Variants in KDM2B observed in about 807,000 individuals in gnomAD.
The protein encoded by KDM2B is lysine-specific demethylase 2B.
In KDM2B, 26 loss-of-function variants were observed where a neutral mutation model predicts 150.0. That is an observed-to-expected ratio of 0.17 (90% CI 0.13 to 0.24). KDM2B has a LOEUF of 0.24. KDM2B is among the 10% of genes least tolerant of loss of function. The probability of loss-of-function intolerance (pLI) is 1.00; values close to 1 mark genes in which losing one functional copy is unlikely to be tolerated. For synonymous variants in KDM2B, 734 were observed against 729.5 expected (o/e 1.01, Z -0.10); for missense variants, 1,265 against 1,816.9 (o/e 0.70, Z 5.52).
intron 2 of KDM2B, among the ~76,000 whole-genome samples, chr12:121,578,412 G>T (rs1353268715): frequency 6.6e-6 from 1 of 152,316 alleles, no homozygotes; most frequent in Admixed American, 6.5e-5. Flanking sequence ...CCCCAGGGGC[G>T]CCCTGAACCC....
chr12:121,581,674 A>G (rs1216543463), upstream of KDM2B, among the ~76,000 whole-genome samples: 1 of 152,234 alleles, frequency 6.6e-6, no homozygotes, highest in Admixed American at 6.5e-5. Context: ...TATTTCTGCC[A>G]TAACCCTGTG....
intron 1 of KDM2B, 37 bp downstream of exon 1, chr12:121,580,749 C>T: frequency 6.2e-7 from 1 of 1,610,428 alleles, no homozygotes; most frequent in South Asian, 1.1e-5. Flanking sequence ...GGCTACCCCT[C>T]TTCCTCTTCT....
intron 4 of KDM2B, among the ~76,000 whole-genome samples, chr12:121,555,451 C>T (rs1555312537): frequency 6.6e-6 from 1 of 152,180 alleles, no homozygotes; most frequent in Non-Finnish European, 1.5e-5. Flanking sequence ...CAGCACACTG[C>T]AACCTCCACC....
In KDM2B at chr12:121,453,324, G is replaced by A. The variant is rs1555292123; in HGVS notation, c.1755C>T (p.Pro585=). 1.3e-6 allele frequency: 2 copies of A among 1,587,048 alleles called. No homozygotes were observed. The highest frequency in any genetic ancestry group is 1.7e-6 in the Non-Finnish European group (2 of 1,166,612). Residue 585 remains proline, a synonymous_variant, in exon 13 of 23, where the codon CCC becomes CCT. Coordinates refer to ENST00000377071, the MANE Select transcript of KDM2B (RefSeq NM_032590.5). This position sits in a 1 kb window ranked among gnomAD's most constrained non-coding sequence, Gnocchi z 6.4. ...KTPKNRAVGR[P]KGKLGPASAV... The stretch of plus-strand genomic sequence containing the variant: ...CGGAGGCCGGGCCCAGCTTCCCCTT[G>A]GGCCGACCCACAGCCCGGTTCTGCA...
At chr12:121,495,459 C>T (rs1410410065) in intron 11 of KDM2B, among the ~76,000 whole-genome samples, 1 of 152,126 alleles carries the variant, frequency 6.6e-6, no homozygotes, top group Non-Finnish European at 1.5e-5. Flanking sequence ...ACACGCCCAG[C>T]CATAATTTTT....
rs1555291932 is a variant in KDM2B at position 121,452,934 on chromosome 12, A to G, written c.1959+186T>C. Among the ~76,000 whole-genome samples, 1 of 152,152 alleles carries G rather than the reference A, an allele frequency of 6.6e-6. No homozygotes were observed. The highest frequency in any genetic ancestry group is 1.5e-5 in the Non-Finnish European group (1 of 68,016). On this transcript the variant is annotated intron_variant, in intron 13 of 22. Coordinates refer to ENST00000377071, the MANE Select transcript of KDM2B (RefSeq NM_032590.5). The surrounding 1 kb of genome is among the most constrained non-coding windows in gnomAD (Gnocchi z 4.4). ...AAGTACCTGAGCACCCTGGGAGGGA[A>G]GGAGCAGGAGGCCTGAGCCTGCGAA...
chr12:121,497,661 T>C (rs1555301251), intron 11 of KDM2B, among the ~76,000 whole-genome samples: 1 of 151,900 alleles, frequency 6.6e-6, no homozygotes, highest in East Asian at 1.9e-4. Context: ...GTCTACAAAA[T>C]GCCTGAACAG....
chr12:121,578,743 C>G, intron 2 of KDM2B, 59 bp downstream of exon 2: 1 of 1,342,288 alleles, frequency 7.4e-7, no homozygotes, highest in East Asian at 2.9e-5. Flanking sequence ...CCGGCAGCTC[C>G]CTCCCCACGT....
intron 4 of KDM2B, among the ~76,000 whole-genome samples, chr12:121,561,951 C>A (rs1890367558): frequency 6.6e-6 from 1 of 152,182 alleles, no homozygotes; most frequent in Non-Finnish European, 1.5e-5. Context: ...GTAGGCGGAT[C>A]ACCTGAGGTC....
In KDM2B at chr12:121,460,169, T is replaced by C. The variant is rs145239572; in HGVS notation, c.1735-6825A>G. Among the ~76,000 whole-genome samples the C allele has an allele frequency of 6.6e-3, 1,007 of 152,330 alleles. 8 individuals are homozygous for C. Among genetic ancestry groups the C allele is most frequent in the African/African-American group, 0.023 (972 of 41,572 alleles). The stretch of plus-strand genomic sequence containing the variant: ...CACCAACCCAAGTGTTTCCTGGCTG[T>C]GAATTATGTATCTGATTTGATGCTA... On this transcript the variant is annotated intron_variant, in intron 12 of 22. Transcript: ENST00000377071.
At chr12:121,553,610 G>A (rs575860449) in intron 4 of KDM2B, among the ~76,000 whole-genome samples, 6 of 152,264 alleles carry the variant, frequency 3.9e-5, no homozygotes, top group Middle Eastern at 3.4e-3. Flanking sequence ...ACATAACTGA[G>A]TTCATGCACT....
chr12:121,464,943 G>C (rs1879654071), intron 12 of KDM2B, among the ~76,000 whole-genome samples: 1 of 152,198 alleles, frequency 6.6e-6, no homozygotes, highest in Admixed American at 6.5e-5. Context: ...AAACTGTTGA[G>C]GAAAGCATGC....
chr12:121,580,849 T>A lies in KDM2B; in HGVS notation c.63A>T (p.Ala21=). The A allele has an allele frequency of 6.2e-7, 1 of 1,614,216 alleles. No homozygotes were observed. Among genetic ancestry groups the A allele is most frequent in the Non-Finnish European group, 8.5e-7 (1 of 1,180,028 alleles). ...TAACTGTTTTCTTTTTTTGCTTTTCTGCTGCATGTCTTTTTCGTGGGGGGT... is the reference window on the plus strand; with the variant it reads ...TAACTGTTTTCTTTTTTTGCTTTTCAGCTGCATGTCTTTTTCGTGGGGGGT... ...EDHPPRKRHA[A]EKQKKKTVIY... Residue 21 remains alanine, a synonymous_variant, in exon 1 of 23, where the codon GCA becomes GCT. Transcript: ENST00000377071.
chr12:121,551,714 G>C (rs146068080), intron 4 of KDM2B, among the ~76,000 whole-genome samples: 5 of 151,940 alleles, frequency 3.3e-5, no homozygotes, highest in African/African-American at 1.2e-4. Context: ...CACCGCACCC[G>C]GCTCTTTTTC....
the KDM2B span, chr12:121,420,366 A>G: frequency 6.4e-7 from 1 of 1,554,742 alleles, no homozygotes; most frequent in Non-Finnish European, 8.7e-7. Flanking sequence ...GGTTTCCCTG[A>G]CATGTCAGCC....
chr12:121,467,081 C>T lies in KDM2B; in HGVS notation c.1735-13737G>A. The stretch of plus-strand genomic sequence containing the variant: ...ATCGCGGCGGCGGCGGCGTCGCGGC[C>T]GCCCTCGGCGCGTCAGACAGGCGGT... On this transcript the variant is annotated intron_variant, in intron 12 of 22. Transcript: ENST00000377071. This position sits in a 1 kb window ranked among gnomAD's most constrained non-coding sequence, Gnocchi z 5.1. The T allele has an allele frequency of 2.3e-6, 2 of 867,044 alleles. No individual in the cohort carries two copies. Among genetic ancestry groups the T allele is most frequent in the Non-Finnish European group, 2.9e-6 (2 of 694,584 alleles). 53.7% of individuals were successfully genotyped at this position (867,044 alleles called of 1,614,324 possible). A position where few individuals can be genotyped will look rare whatever the true frequency, so the allele number is the denominator to read the frequency against.
intron 12 of KDM2B, among the ~76,000 whole-genome samples, chr12:121,490,994 G>A (rs1274730175): frequency 6.6e-6 from 1 of 152,136 alleles, no homozygotes. Flanking sequence ...TGCATCCAAT[G>A]GGAGGAAGCT....
chr12:121,426,492 G>A (rs1339480956), downstream of KDM2B, among the ~76,000 whole-genome samples: 11 of 143,500 alleles, frequency 7.7e-5, no homozygotes, highest in Admixed American at 6.4e-4. Context: ...TGCCCACCCA[G>A]GCAGAGTACA....
intron 12 of KDM2B, among the ~76,000 whole-genome samples, chr12:121,483,116 T>C (rs541571336): frequency 2.4e-4 from 36 of 151,776 alleles, no homozygotes; most frequent in African/African-American, 8.5e-4. Flanking sequence ...TGAGCCAGGA[T>C]TGCGCCACTG....
Sources: gnomAD v4.1 joint callset for allele counts (sites outside exome capture counted in the v4.1 genomes callset) on GRCh38, gnomAD v4.1.1 for gene constraint, Gnocchi (gnomAD v3.1) non-coding constraint, MANE v1.5 for transcripts, NCBI Gene and HGNC (gene_info 2026-07-23, HGNC 2026-07-21) for gene names.